DOK6: variants seen among roughly 807,000 people sequenced by gnomAD.
DOK6 encodes docking protein 6, also known as downstream of tyrosine kinase 6.
In DOK6, 22 loss-of-function variants were observed where a neutral mutation model predicts 44.0. The ratio of observed to expected loss-of-function variants is 0.50; its 90% CI spans 0.36 to 0.71. The LOEUF is 0.71. Ranked by LOEUF, DOK6 falls within the 30% of genes least tolerant of loss-of-function variation. The pLI, the probability that DOK6 is intolerant of heterozygous loss-of-function variation, is 0.00. For missense variants in DOK6, 340 were observed against 416.4 expected, an observed-to-expected ratio of 0.82 and a Z score of 1.60; for synonymous variants, 166 against 145.5, an observed-to-expected ratio of 1.14 and a Z score of -1.01.
intron 5 of DOK6, among the ~76,000 whole-genome samples, chr18:69,728,905 C>G (rs1978327610): frequency 6.6e-6 from 1 of 152,136 alleles, no homozygotes; most frequent in Non-Finnish European, 1.5e-5. Context: ...TCTTTGATCT[C>G]TCAAGAACCA....
At chr18:69,831,836 G>A (rs1325999955) in intron 7 of DOK6, among the ~76,000 whole-genome samples, 1 of 152,134 alleles carries the variant, frequency 6.6e-6, no homozygotes, top group East Asian at 1.9e-4. Flanking sequence ...AAAGATGTTG[G>A]CAATAAGTCC....
rs567571851 is a variant in DOK6 at position 69,444,927 on chromosome 18, T to A, written c.66+43617T>A. ...CTGTAGATCACTTGTGGCAGTGGGGTATTGTCATCTAAACACTATGAAGTC... is the reference window on the plus strand; with the variant it reads ...CTGTAGATCACTTGTGGCAGTGGGGAATTGTCATCTAAACACTATGAAGTC... On this transcript the variant is annotated intron_variant, in intron 1 of 7. Transcript: ENST00000382713. Among the ~76,000 whole-genome samples the A allele has an allele frequency of 1.8e-3, 273 of 152,302 alleles. 1 individual carries two copies. The highest frequency in any genetic ancestry group is 3.2e-3 in the Non-Finnish European group (219 of 68,022).
intron 7 of DOK6, among the ~76,000 whole-genome samples, chr18:69,785,643 CT>C (rs1980407394): frequency 6.6e-6 from 1 of 152,100 alleles, no homozygotes. Flanking sequence ...CTCAAGAATT[CT>C]TTTTGTTCCG....
intron 7 of DOK6, among the ~76,000 whole-genome samples, chr18:69,811,717 G>T (rs1348598543): frequency 6.6e-6 from 1 of 151,818 alleles, no homozygotes; most frequent in African/African-American, 2.4e-5. Flanking sequence ...TCTGTGTTTT[G>T]CAAACCCTTT....
intron 1 of DOK6, among the ~76,000 whole-genome samples, chr18:69,436,038 G>A (rs1442243248): frequency 6.6e-6 from 1 of 151,618 alleles, no homozygotes; most frequent in Non-Finnish European, 1.5e-5. Context: ...TTTATGTCCT[G>A]TCTTATAATT....
intron 7 of DOK6, among the ~76,000 whole-genome samples, chr18:69,792,379 G>A (rs1980626765): frequency 6.6e-6 from 1 of 151,890 alleles, no homozygotes; most frequent in African/African-American, 2.4e-5. Context: ...CCATGAACAT[G>A]GAATATCTTT....
chr18:69,603,628 G>A (rs997641031), intron 3 of DOK6, among the ~76,000 whole-genome samples: 5 of 152,030 alleles, frequency 3.3e-5, no homozygotes, highest in East Asian at 1.9e-4. Context: ...AAAATTAGCC[G>A]GGTGTGGTGG....
In DOK6 at chr18:69,795,650, G is replaced by C. The variant is rs137937275; in HGVS notation, c.856+37777G>C. Among the ~76,000 whole-genome samples the C allele has an allele frequency of 3.0e-3, 455 of 152,268 alleles. 3 individuals carry two copies. The highest frequency in any genetic ancestry group is 0.01 in the African/African-American group (433 of 41,556). Reference sequence around the variant, plus strand: ...TTTACTAAGCACCAACTGTGTGCTAGGCAAAAGGCCAGGCCCTCTTTTTAA... The same window carrying C: ...TTTACTAAGCACCAACTGTGTGCTACGCAAAAGGCCAGGCCCTCTTTTTAA... On this transcript the variant is annotated intron_variant, in intron 7 of 7. Transcript: ENST00000382713.
intron 5 of DOK6, among the ~76,000 whole-genome samples, chr18:69,731,649 A>G (rs1978406826): frequency 6.6e-6 from 1 of 152,332 alleles, no homozygotes; most frequent in East Asian, 1.9e-4. Context: ...ATGATTACAC[A>G]TGTTCTTTTT....
intron 1 of DOK6, among the ~76,000 whole-genome samples, chr18:69,434,928 AAGGGAGGGAGGGAGGG>A (rs377517457): frequency 4.1e-4 from 29 of 71,140 alleles, no homozygotes; most frequent in Admixed American, 6.1e-4. Context: ...CAAAAGAAAA[AAGGGAGGGAGGGAGGG>A]AGGGAGGGAG....
chr18:69,794,333 G>T (rs1450035724), intron 7 of DOK6, among the ~76,000 whole-genome samples: 2 of 152,150 alleles, frequency 1.3e-5, no homozygotes, highest in Admixed American at 1.3e-4. Context: ...CCAGAGGTCT[G>T]CATTGATGTC....
chr18:69,623,053 T>TG (rs1323199785), intron 3 of DOK6, among the ~76,000 whole-genome samples: 1 of 152,180 alleles, frequency 6.6e-6, no homozygotes, highest in South Asian at 2.1e-4. Context: ...GATTGAATTA[T>TG]GGGGGGTGGA....
chr18:69,535,210 C>A (rs879760738), intron 1 of DOK6, among the ~76,000 whole-genome samples: 2 of 151,974 alleles, frequency 1.3e-5, no homozygotes, highest in Non-Finnish European at 2.9e-5. Context: ...TTAGATCTTT[C>A]AAAAAATTTA....
intron 1 of DOK6, among the ~76,000 whole-genome samples, chr18:69,454,361 A>G (rs1056473187): frequency 6.9e-6 from 1 of 143,898 alleles, no homozygotes; most frequent in African/African-American, 2.6e-5. Flanking sequence ...ACTATGAGAT[A>G]TCATCTCATA....
At chr18:69,759,879 CTAAGG>C (rs879337694) in intron 7 of DOK6, among the ~76,000 whole-genome samples, 86 of 152,214 alleles carry the variant, frequency 5.6e-4, no homozygotes, top group African/African-American at 2.0e-3. Flanking sequence ...TATGTATTGA[CTAAGG>C]TAATTACTTA....
rs1982360710 is a variant in DOK6 at position 69,847,073 on chromosome 18, G to A, written c.*5690G>A. 6.6e-6 allele frequency: 1 copy of A among 152,068 alleles called. No individual in the cohort carries two copies. The highest frequency in any genetic ancestry group is 6.5e-5 in the Admixed American group (1 of 15,272). 9.4% of individuals were successfully genotyped at this position (152,068 alleles called of 1,614,324 possible). On this transcript the variant is annotated 3_prime_UTR_variant, in exon 8 of 8. Coordinates refer to ENST00000382713, the MANE Select transcript of DOK6 (RefSeq NM_152721.6). ...TGTAAATATTAATATTTGAAGGGGA[G>A]AGGAAAAATACATTTGTAGTAGAAA...
At chr18:69,685,882 C>T (rs912880487) in intron 4 of DOK6, among the ~76,000 whole-genome samples, 6 of 152,060 alleles carry the variant, frequency 3.9e-5, no homozygotes, top group South Asian at 2.1e-4. Flanking sequence ...TTTTCTTAGT[C>T]GGCATCACTA....
intron 1 of DOK6, among the ~76,000 whole-genome samples, chr18:69,554,266 C>T (rs1270092974): frequency 2.0e-5 from 3 of 152,148 alleles, no homozygotes; most frequent in Admixed American, 6.5e-5. Flanking sequence ...AATCCCAATA[C>T]ATTCCTTCCC....
chr18:69,836,820 A>T (rs777944413), intron 7 of DOK6, among the ~76,000 whole-genome samples: 6 of 152,198 alleles, frequency 3.9e-5, no homozygotes, highest in Non-Finnish European at 7.3e-5. Context: ...TTTTGCTTCC[A>T]TCAACACTGT....
Sources: allele counts gnomAD v4.1 joint callset (sites outside exome capture counted in the v4.1 genomes callset), GRCh38; gene constraint gnomAD v4.1.1; transcripts MANE v1.5; gene names NCBI Gene and HGNC (gene_info 2026-07-23, HGNC 2026-07-21).